The following RORB variants were observed in gnomAD, a reference collection of about 807,000 sequenced individuals.
RORB encodes nuclear receptor ROR-beta.
A neutral mutation model predicts 59.1 loss-of-function variants in RORB; 6 were observed. The observed-to-expected ratio is 0.10, with a 90% CI of 0.06 to 0.20. RORB has a LOEUF of 0.20. RORB is among the 10% of genes least tolerant of loss of function. The probability of loss-of-function intolerance (pLI) is 1.00; values close to 1 mark genes in which losing one functional copy is unlikely to be tolerated. For synonymous variants in RORB, 215 were observed against 204.5 expected (o/e 1.05, Z -0.44); for missense variants, 320 against 560.5 (o/e 0.57, Z 4.33).
At chr9:74,541,592 A>T (rs1826408778) in intron 1 of RORB, among the ~76,000 whole-genome samples, 1 of 152,182 alleles carries the variant, frequency 6.6e-6, no homozygotes, top group African/African-American at 2.4e-5. Context: ...AGTTTTAGAT[A>T]TGATGTCGTT....
chr9:74,622,464 G>A (rs1823437801), intron 1 of RORB, among the ~76,000 whole-genome samples: 1 of 148,222 alleles, frequency 6.7e-6, no homozygotes, highest in South Asian at 2.2e-4. Context: ...CTCTTTTTTA[G>A]AACCTCTGAA....
At chr9:74,560,700 T>G (rs1439321496) in intron 1 of RORB, among the ~76,000 whole-genome samples, 2 of 151,390 alleles carry the variant, frequency 1.3e-5, no homozygotes, top group Non-Finnish European at 2.9e-5. Context: ...AATAATAAAT[T>G]TATATAATAA....
intron 1 of RORB, among the ~76,000 whole-genome samples, chr9:74,595,563 GCA>G (rs1213776426): frequency 6.6e-6 from 1 of 152,198 alleles, no homozygotes; most frequent in Admixed American, 6.5e-5. Flanking sequence ...GGTGGAGAGA[GCA>G]CAGTGTTTGG....
intron 1 of RORB, among the ~76,000 whole-genome samples, chr9:74,622,557 C>T (rs1296956269): frequency 5.4e-5 from 6 of 112,022 alleles, no homozygotes; most frequent in South Asian, 3.3e-4. Flanking sequence ...GACAGAGTCT[C>T]GGTCTGTCGC....
chr9:74,673,162 T>C (rs887399244), intron 9 of RORB, among the ~76,000 whole-genome samples: 6 of 152,220 alleles, frequency 3.9e-5, no homozygotes, highest in Non-Finnish European at 5.9e-5. Flanking sequence ...TCCTAGTCAA[T>C]AGCGAACTTC....
chr9:74,529,724 A>G (rs940366867), intron 1 of RORB, among the ~76,000 whole-genome samples: 1 of 151,882 alleles, frequency 6.6e-6, no homozygotes, highest in African/African-American at 2.4e-5. Flanking sequence ...TTATTATTAC[A>G]TATCTTTGTA....
chr9:74,608,884 TTAAAA>T (rs1563951613), intron 1 of RORB, among the ~76,000 whole-genome samples: 2 of 152,214 alleles, frequency 1.3e-5, no homozygotes, highest in Non-Finnish European at 2.9e-5. Context: ...ATTGACTAAA[TTAAAA>T]TAATATTGAA....
At chr9:74,633,382 C>T (rs1241112755) in intron 2 of RORB, among the ~76,000 whole-genome samples, 1 of 152,150 alleles carries the variant, frequency 6.6e-6, no homozygotes, top group Admixed American at 6.5e-5. Context: ...TTCCAGGCTT[C>T]TCTGCAAGAT....
At chr9:74,541,010 G>A (rs1038021312) in intron 1 of RORB, among the ~76,000 whole-genome samples, 1 of 152,018 alleles carries the variant, frequency 6.6e-6, no homozygotes, top group Admixed American at 6.6e-5. Context: ...GCCGGGCACC[G>A]TGGTGCACGC....
chr9:74,588,031 C>T (rs1305485859), intron 1 of RORB, among the ~76,000 whole-genome samples: 3 of 152,020 alleles, frequency 2.0e-5, no homozygotes, highest in East Asian at 3.9e-4. Flanking sequence ...ACACATGGCT[C>T]TTAGGTTATA....
chr9:74,564,152 A>G (rs1245247415), intron 1 of RORB, among the ~76,000 whole-genome samples: 3 of 152,152 alleles, frequency 2.0e-5, no homozygotes, highest in African/African-American at 7.2e-5. Context: ...TGCTGGTATC[A>G]CCTGCTTTGG....
chr9:74,541,140 TGTG>T (rs1479499555), intron 1 of RORB, among the ~76,000 whole-genome samples: 2 of 150,984 alleles, frequency 1.3e-5, no homozygotes, highest in African/African-American at 2.4e-5. Context: ...AGTAGCCGGG[TGTG>T]GTGGTACATG....
chr9:74,565,451 T>C (rs1457726359), intron 1 of RORB, among the ~76,000 whole-genome samples: 1 of 152,206 alleles, frequency 6.6e-6, no homozygotes, highest in Non-Finnish European at 1.5e-5. Flanking sequence ...GTTTCGTCAC[T>C]GTTCATTGCC....
intron 1 of RORB, among the ~76,000 whole-genome samples, chr9:74,499,689 T>C (rs1825780468): frequency 6.6e-6 from 1 of 152,190 alleles, no homozygotes; most frequent in South Asian, 2.1e-4. Flanking sequence ...CTTGGCTTAG[T>C]AAGAGACGCC....
At chr9:74,648,893 C>T (rs1823945625) in intron 4 of RORB, among the ~76,000 whole-genome samples, 1 of 152,056 alleles carries the variant, frequency 6.6e-6, no homozygotes, top group African/African-American at 2.4e-5. Flanking sequence ...CCTGTCCTCC[C>T]TAGTTCACTA....
chr9:74,609,965 C>T (rs1823209652), intron 1 of RORB, among the ~76,000 whole-genome samples: 1 of 152,130 alleles, frequency 6.6e-6, no homozygotes, highest in Non-Finnish European at 1.5e-5. Flanking sequence ...TTATCCAGCC[C>T]AAAATATCAA....
intron 1 of RORB, among the ~76,000 whole-genome samples, chr9:74,594,142 A>T (rs761243226): frequency 6.6e-6 from 1 of 152,232 alleles, no homozygotes; most frequent in Non-Finnish European, 1.5e-5. Flanking sequence ...TTTTATAAGA[A>T]TAAAACTTAC....
intron 1 of RORB, chr9:74,498,555 C>G (rs1296921744): frequency 6.6e-6 from 1 of 152,494 alleles, no homozygotes; most frequent in Non-Finnish European, 1.5e-5. Flanking sequence ...CAGTTAGTTC[C>G]CCGGCACGCG....
At chr9:74,576,267 C>A (rs551414575) in intron 1 of RORB, among the ~76,000 whole-genome samples, 1 of 152,208 alleles carries the variant, frequency 6.6e-6, no homozygotes, top group East Asian at 1.9e-4. Context: ...GCATGTTAGA[C>A]TCCATTGTTT....
Sources: allele counts gnomAD v4.1 joint callset (sites outside exome capture counted in the v4.1 genomes callset), GRCh38; gene constraint gnomAD v4.1.1; transcripts MANE v1.5; gene names NCBI Gene and HGNC (gene_info 2026-07-23, HGNC 2026-07-21).